Variants in ACOX3 observed in about 807,000 individuals in gnomAD.
The protein encoded by ACOX3 is peroxisomal acyl-coenzyme A oxidase 3.
A neutral mutation model predicts 81.5 loss-of-function variants in ACOX3; 73 were observed. That is an observed-to-expected ratio of 0.90 (90% CI 0.74 to 1.09). The LOEUF is 1.09. Among genes scored for constraint, ACOX3 ranks in the 50% least tolerant of loss-of-function variants. The pLI is 0.00. For missense variants in ACOX3, 947 were observed against 928.0 expected (o/e 1.02, Z -0.27); for synonymous variants, 387 against 375.1 (o/e 1.03, Z -0.37).
At chr4:8,377,060 C>G (rs908696544) in intron 14 of ACOX3, among the ~76,000 whole-genome samples, 3 of 152,056 alleles carry the variant, frequency 2.0e-5, no homozygotes, top group Non-Finnish European at 2.9e-5. Context: ...TCTGCACCCC[C>G]GTAGGCTGCT....
Position 8,423,922 on chromosome 4 carries a change from T to C in ACOX3, c.-14-7387A>G, listed in dbSNP as rs189643268. On this transcript the variant is annotated intron_variant, in intron 1 of 17. Coordinates refer to ENST00000356406, the MANE Select transcript of ACOX3 (RefSeq NM_003501.3). This position sits in a 1 kb window ranked among gnomAD's most constrained non-coding sequence, Gnocchi z 4.2. ...ATACTTGGGCACTCTTGTCCTTCGG[T>C]ATGCGGATGATTTACTTTTAGCCAC... Among the ~76,000 whole-genome samples the C allele has an allele frequency of 1.3e-5, 2 of 152,340 alleles. No homozygotes were observed. The highest frequency in any genetic ancestry group is 2.9e-5 in the Non-Finnish European group (2 of 68,024).
In ACOX3 at chr4:8,394,962, G is replaced by A; in HGVS notation, c.1057-220C>T. 2.1e-6 allele frequency: 1 copy of A among 484,622 alleles called. No individual in the cohort carries two copies. The highest frequency in any genetic ancestry group is 3.6e-6 in the Non-Finnish European group (1 of 278,858). The allele number at this position is 484,622 out of a possible 1,614,324, so 30.0% of individuals were successfully genotyped here. A position where few individuals can be genotyped will look rare whatever the true frequency, so the allele number is the denominator to read the frequency against. On this transcript the variant is annotated intron_variant, in intron 9 of 17. Coordinates refer to ENST00000356406, the MANE Select transcript of ACOX3 (RefSeq NM_003501.3). The surrounding 1 kb of genome is among the most constrained non-coding windows in gnomAD (Gnocchi z 5.9). Reference sequence around the variant, plus strand: ...TTCACCCATAGCCCTTGACAGACAAGCTCAAACGCAATTCGCTAAATGGCC... The same window carrying A: ...TTCACCCATAGCCCTTGACAGACAAACTCAAACGCAATTCGCTAAATGGCC...
rs771763093 is a variant in ACOX3, at chr4:8,399,564, G to A, written c.865C>T (p.Pro289Ser). ...GCCCCCCATGCCTGTACCTTAAAGG[G>A]GCTGACATAGGTGCCCTCGGGGGTG... is the stretch of plus-strand genomic sequence containing the variant. ...DVTPEGTYVSPFKDVRQRFGA... is the reference protein window; with the variant it reads ...DVTPEGTYVSSFKDVRQRFGA... The change falls in exon 8 of 18, where the codon CCC becomes TCC. Residue 289 changes from proline to serine, a missense_variant. Transcript: ENST00000356406. This position sits in a 1 kb window ranked among gnomAD's most constrained non-coding sequence, Gnocchi z 4.9. 2 of 1,613,336 alleles carry A rather than the reference G, an allele frequency of 1.2e-6. No individual in the cohort carries two copies. Among genetic ancestry groups the A allele is most frequent in the Admixed American group, 1.7e-5 (1 of 60,006 alleles).
intron 1 of ACOX3, among the ~76,000 whole-genome samples, chr4:8,429,479 T>C (rs1307716478): frequency 6.6e-6 from 1 of 152,230 alleles, no homozygotes; most frequent in Non-Finnish European, 1.5e-5. Context: ...TTGGGCGTTA[T>C]CAATCAGACG....
At chr4:8,408,891 T>TGGGGGGGGGGGGGGGGGGGGG (rs200811549) in intron 6 of ACOX3, among the ~76,000 whole-genome samples, 8 of 25,790 alleles carry the variant, frequency 3.1e-4, no homozygotes, top group Non-Finnish European at 3.1e-4. Flanking sequence ...GAGCCCTCAC[T>TGGGGGGGGGGGGGGGGGGGGG]GGGGGGGGGG....
rs999139319 is a variant in ACOX3 at position 8,368,376 on chromosome 4, C to T, written c.1984-1296G>A. 2.6e-5 allele frequency among the ~76,000 whole-genome samples: 4 copies of T among 152,352 alleles called. No homozygotes were observed. The highest frequency in any genetic ancestry group is 1.9e-4 in the East Asian group (1 of 5,186). ...AGGGCAGCTGAGCAGACACTTCACC[C>T]GTGCAGGGTGGAAAGGGGCAGCCCA... On this transcript the variant is annotated intron_variant, in intron 17 of 17. Transcript: ENST00000356406. This position sits in a 1 kb window ranked among gnomAD's most constrained non-coding sequence, Gnocchi z 5.9.
At chr4:8,367,665 C>T (rs145073236) in intron 17 of ACOX3, among the ~76,000 whole-genome samples, 19 of 151,652 alleles carry the variant, frequency 1.3e-4, no homozygotes, top group Middle Eastern at 3.4e-3. Context: ...AATCACCCCT[C>T]GCCCTCTTCT....
intron 14 of ACOX3, among the ~76,000 whole-genome samples, chr4:8,375,632 C>T (rs1353246566): frequency 2.0e-5 from 3 of 152,328 alleles, no homozygotes; most frequent in South Asian, 2.1e-4. Context: ...TCTGCCACCC[C>T]GTCCTCCAAA....
chr4:8,402,514 T>A, intron 7 of ACOX3, among the ~76,000 whole-genome samples: 1 of 152,194 alleles, frequency 6.6e-6, no homozygotes, highest in Non-Finnish European at 1.5e-5. Context: ...GCGCCCTTTT[T>A]AAGGAGTGGA....
At chr4:8,438,243 TA>T (rs534005640) in intron 1 of ACOX3, among the ~76,000 whole-genome samples, 148 of 152,338 alleles carry the variant, frequency 9.7e-4, no homozygotes, top group Non-Finnish European at 1.4e-3. Flanking sequence ...CCTCTAACTT[TA>T]AAGTCAGACA....
intron 3 of ACOX3, 75 bp from the exon 4 acceptor site, chr4:8,415,003 C>G (rs1722164759): frequency 3.9e-6 from 5 of 1,292,660 alleles, no homozygotes; most frequent in Non-Finnish European, 5.6e-6. Context: ...TCACAACAGA[C>G]AACGGCACTC....
intron 1 of ACOX3, among the ~76,000 whole-genome samples, chr4:8,429,498 G>A (rs1723818614): frequency 6.6e-6 from 1 of 152,180 alleles, no homozygotes; most frequent in African/African-American, 2.4e-5. Flanking sequence ...CGAATTCCTG[G>A]GAATTGCGGA....
At chr4:8,356,131 T>G in the ACOX3 span, 4 of 234,312 alleles carry the variant, frequency 1.7e-5, no homozygotes, top group South Asian at 2.1e-4. Context: ...GGCCGGGCTT[T>G]GTTGCTTTCA....
At chr4:8,422,901 C>T (rs1723099467) in intron 1 of ACOX3, among the ~76,000 whole-genome samples, 1 of 152,204 alleles carries the variant, frequency 6.6e-6, no homozygotes, top group Non-Finnish European at 1.5e-5. Flanking sequence ...CTCATCCATG[C>T]CCCTCATGTC....
chr4:8,434,845 T>C (rs1406074749), intron 1 of ACOX3, among the ~76,000 whole-genome samples: 3 of 152,262 alleles, frequency 2.0e-5, no homozygotes, highest in African/African-American at 7.2e-5. Flanking sequence ...GCTTTGGTTC[T>C]GATTTTGACT....
intron 1 of ACOX3, among the ~76,000 whole-genome samples, chr4:8,418,037 A>G (rs1722530414): frequency 6.6e-6 from 1 of 152,258 alleles, no homozygotes; most frequent in Admixed American, 6.5e-5. Flanking sequence ...AGATTGAATT[A>G]GCAATCAATA....
the ACOX3 span, chr4:8,357,535 C>A: frequency 3.4e-6 from 1 of 296,742 alleles, no homozygotes; most frequent in Non-Finnish European, 6.7e-6. Flanking sequence ...GTTTTACAAT[C>A]AGAAAACGGT....
rs143092717 is a variant in ACOX3, at chr4:8,382,990, C to CAAAAAAAAAA, written c.1538-1393_1538-1384dup. On this transcript the variant is annotated intron_variant, in intron 13 of 17. Coordinates refer to ENST00000356406, the MANE Select transcript of ACOX3 (RefSeq NM_003501.3). The surrounding 1 kb of genome is among the most constrained non-coding windows in gnomAD (Gnocchi z 4.1). Reference sequence around the variant, plus strand: ...TGGGCGACAGAGCGAGACTCCGTCTCAAAAAAAAAAAAAAAAGAAAAGAAA... The same window carrying CAAAAAAAAAA: ...TGGGCGACAGAGCGAGACTCCGTCTCAAAAAAAAAAAAAAAAAAAAAAAAAAGAAAAGAAA... Among the ~76,000 whole-genome samples the CAAAAAAAAAA allele has an allele frequency of 1.4e-5, 1 of 72,114 alleles. No individual in the cohort carries two copies. Among genetic ancestry groups the CAAAAAAAAAA allele is most frequent in the East Asian group, 3.8e-4 (1 of 2,622 alleles). The allele number at this position is 72,114 out of a possible 152,430, so 47.3% of individuals were successfully genotyped here.
intron 14 of ACOX3, among the ~76,000 whole-genome samples, chr4:8,377,387 C>T (rs970328969): frequency 1.3e-5 from 2 of 152,226 alleles, no homozygotes; most frequent in Non-Finnish European, 2.9e-5. Context: ...AGAAAGACAG[C>T]CCCTCCTGGA....
Sources: allele counts gnomAD v4.1 joint callset (sites outside exome capture counted in the v4.1 genomes callset), GRCh38; gene constraint gnomAD v4.1.1; non-coding constraint Gnocchi (gnomAD v3.1); transcripts MANE v1.5; gene names NCBI Gene and HGNC (gene_info 2026-07-23, HGNC 2026-07-21).